DMXL1: variants seen among roughly 807,000 people sequenced by gnomAD.
The protein encoded by DMXL1 is Dmx like 1, also known as dmX-like protein 1.
In DMXL1, 99 loss-of-function variants were observed where a neutral mutation model predicts 319.2. That is an observed-to-expected ratio of 0.31 (90% CI 0.26 to 0.37). DMXL1 has a LOEUF of 0.37. DMXL1 is among the 10% of genes least tolerant of loss of function. DMXL1 has a pLI of 1.00. For missense variants in DMXL1, 3,745 were observed against 3,595.6 expected, an observed-to-expected ratio of 1.04 and a Z score of -1.06; for synonymous variants, 1,385 against 1,235.2, an observed-to-expected ratio of 1.12 and a Z score of -2.54.
intron 1 of DMXL1, among the ~76,000 whole-genome samples, chr5:119,085,884 TTA>T (rs1199261963): frequency 6.6e-6 from 1 of 152,204 alleles, no homozygotes; most frequent in African/African-American, 2.4e-5. Context: ...TTGAGGGTTT[TTA>T]TCATAAAGGG....
At chr5:119,130,258 A>G (rs1237027745) in intron 10 of DMXL1, among the ~76,000 whole-genome samples, 1 of 152,126 alleles carries the variant, frequency 6.6e-6, no homozygotes, top group African/African-American at 2.4e-5. Flanking sequence ...TGCTCACACA[A>G]ACATCTAAAT....
intron 9 of DMXL1, among the ~76,000 whole-genome samples, chr5:119,121,977 T>G: frequency 7.6e-6 from 1 of 131,518 alleles, no homozygotes. Flanking sequence ...CACTTCCCAG[T>G]AGGGGCGGCC....
At chr5:119,110,376 A>T (rs1759301431) in intron 5 of DMXL1, 93 bp downstream of exon 5, 3 of 1,166,358 alleles carry the variant, frequency 2.6e-6, no homozygotes, top group Admixed American at 2.8e-5. Flanking sequence ...CCACACTGAC[A>T]TAAAAAGTAT....
At chr5:119,176,397 A>G (rs147343544) in intron 26 of DMXL1, among the ~76,000 whole-genome samples, 93 of 152,166 alleles carry the variant, frequency 6.1e-4, no homozygotes, top group African/African-American at 1.9e-3. Flanking sequence ...CTCTGGTTGT[A>G]TATTTCCCAA....
intron 28 of DMXL1, among the ~76,000 whole-genome samples, chr5:119,189,244 A>T (rs969720896): frequency 6.6e-6 from 1 of 152,110 alleles, no homozygotes; most frequent in Admixed American, 6.6e-5. Context: ...ATGGTGCCTG[A>T]ATTTTGTTTA....
chr5:119,225,777 T>G (rs571064433), intron 38 of DMXL1, among the ~76,000 whole-genome samples: 1 of 152,116 alleles, frequency 6.6e-6, no homozygotes, highest in African/African-American at 2.4e-5. Flanking sequence ...ATATAAAAAA[T>G]TTGTCTGTTT....
intron 28 of DMXL1, among the ~76,000 whole-genome samples, chr5:119,184,914 T>C (rs552066114): frequency 3.5e-4 from 53 of 152,176 alleles, no homozygotes; most frequent in Non-Finnish European, 6.6e-4. Flanking sequence ...AACCGTGTTG[T>C]GGCATTCAGG....
intron 13 of DMXL1, chr5:119,138,794 A>G (rs1210407397): frequency 6.6e-6 from 1 of 152,250 alleles, no homozygotes; most frequent in Non-Finnish European, 1.5e-5. Flanking sequence ...CCAAGATGAC[A>G]CGACTGCACT....
At chr5:119,140,629 C>T (rs1467349585) in intron 13 of DMXL1, among the ~76,000 whole-genome samples, 1 of 151,788 alleles carries the variant, frequency 6.6e-6, no homozygotes, top group East Asian at 1.9e-4. Flanking sequence ...GCCTACCAAC[C>T]GAAAAACCCA....
intron 35 of DMXL1, among the ~76,000 whole-genome samples, chr5:119,217,961 T>G (rs1783980193): frequency 6.6e-6 from 1 of 152,094 alleles, no homozygotes; most frequent in Non-Finnish European, 1.5e-5. Context: ...GATTCCAGAT[T>G]TGCCTGCTTC....
intron 4 of DMXL1, 22 bp downstream of exon 4, chr5:119,105,280 A>C: frequency 6.4e-7 from 1 of 1,566,380 alleles, no homozygotes; most frequent in Non-Finnish European, 8.8e-7. Flanking sequence ...AGCAGGATTA[A>C]CTAAAATGAA....
Position 119,170,571 on chromosome 5 carries a change from C to T in DMXL1, c.5780C>T (p.Ser1927Leu). ...TCTTCTGCTGTTGATTGGTCACAGTCACTGATAAATGGTTTTGGATCTTCT... is the reference window on the plus strand; with the variant it reads ...TCTTCTGCTGTTGATTGGTCACAGTTACTGATAAATGGTTTTGGATCTTCT... ...DKSSAVDWSQ[S>L]LINGFGSSSE... Residue 1927 changes from serine to leucine, a missense_variant, in exon 24 of 44, where the codon TCA (serine) becomes TTA (leucine). By Grantham distance (145) the Ser-to-Leu change is moderately radical (BLOSUM62 -2). Coordinates refer to ENST00000539542, the MANE Select transcript of DMXL1 (RefSeq NM_001290321.3). The T allele has an allele frequency of 6.2e-7, 1 of 1,613,838 alleles. No individual in the cohort carries two copies. Among genetic ancestry groups the T allele is most frequent in the South Asian group, 1.1e-5 (1 of 91,054 alleles).
At chr5:119,228,343 G>C (rs985442951) in intron 38 of DMXL1, among the ~76,000 whole-genome samples, 21 of 152,104 alleles carry the variant, frequency 1.4e-4, no homozygotes, top group Non-Finnish European at 2.9e-5. Context: ...AGTGACAAAA[G>C]ACTTAACATG....
chr5:119,189,731 G>C lies in DMXL1; in HGVS notation c.7159G>C (p.Glu2387Gln), dbSNP rs1778372665. 1.2e-6 allele frequency: 2 copies of C among 1,613,916 alleles called. No individual in the cohort carries two copies. The highest frequency in any genetic ancestry group is 1.7e-6 in the Non-Finnish European group (2 of 1,179,914). Reference sequence around the variant, plus strand: ...AGTTTCTTCACTAGTTGAAGAAGGAGAAAAACAGAACAAACGTTTTAGGCC... The same window carrying C: ...AGTTTCTTCACTAGTTGAAGAAGGACAAAAACAGAACAAACGTTTTAGGCC... Reference protein sequence around the residue: ...LPVSSLVEEGEKQNKRFRPSK... With the variant: ...LPVSSLVEEGQKQNKRFRPSK... Residue 2387 changes from glutamate (E) to glutamine (Q), a missense_variant, in exon 29 of 44, where the codon GAA becomes CAA. This residue lies in a region of DMXL1 where 1,382 missense variants were observed against 1,269.5 expected (regional missense o/e 1.09). Coordinates refer to ENST00000539542, the MANE Select transcript of DMXL1 (RefSeq NM_001290321.3).
intron 19 of DMXL1, among the ~76,000 whole-genome samples, chr5:119,162,815 A>G (rs1450507987): frequency 6.6e-6 from 1 of 152,212 alleles, no homozygotes; most frequent in Non-Finnish European, 1.5e-5. Flanking sequence ...TTAGAATAAT[A>G]GTCCATTCAC....
intron 32 of DMXL1, among the ~76,000 whole-genome samples, chr5:119,201,216 G>A (rs928719264): frequency 5.3e-5 from 8 of 152,080 alleles, no homozygotes; most frequent in Non-Finnish European, 1.0e-4. Context: ...GTCATAGATG[G>A]CTCTTACTAT....
intron 25 of DMXL1, among the ~76,000 whole-genome samples, chr5:119,172,443 G>T (rs774990452): frequency 1.4e-4 from 22 of 152,156 alleles, no homozygotes; most frequent in Non-Finnish European, 3.1e-4. Context: ...AGCTACAACA[G>T]AATCAGCTGC....
rs746507917 is a variant in DMXL1, at chr5:119,204,558, GT to G, written c.7863+1137del. On this transcript the variant is annotated intron_variant, in intron 33 of 43. Transcript: ENST00000539542. ...TTATACCTTGATATTATCATAATGG[GT>G]TTTTTTTTTTTTTTGTCATTTAGTT... Among the ~76,000 whole-genome samples, 760 of 137,494 alleles carry G rather than the reference GT, an allele frequency of 5.5e-3. 1 individual carries two copies. The highest frequency in any genetic ancestry group is 0.011 in the Middle Eastern group (3 of 266). 90.2% of individuals were successfully genotyped at this position (137,494 alleles called of 152,430 possible).
At chr5:119,087,832 C>T (rs1172988117) in intron 1 of DMXL1, among the ~76,000 whole-genome samples, 18 of 151,828 alleles carry the variant, frequency 1.2e-4, no homozygotes, top group Admixed American at 6.6e-4. Context: ...GACAGAGTCT[C>T]GTTCTGTTGC....
Sources: allele counts gnomAD v4.1 joint callset (sites outside exome capture counted in the v4.1 genomes callset), GRCh38; gene constraint gnomAD v4.1.1; regional missense constraint gnomAD v4.1.1; transcripts MANE v1.5; gene names NCBI Gene and HGNC (gene_info 2026-07-23, HGNC 2026-07-21).